DCTN3: variants seen among roughly 807,000 people sequenced by gnomAD.
DCTN3 encodes the protein dynactin 3 (p22).
A neutral mutation model predicts 28.4 loss-of-function variants in DCTN3; 25 were observed. That is an observed-to-expected ratio of 0.88 (90% CI 0.64 to 1.23). The LOEUF (loss-of-function observed/expected upper bound fraction) is 1.23, where lower values mean the gene tolerates loss of function less well. Among genes scored for constraint, DCTN3 ranks in the 50% most tolerant of loss-of-function variants. The pLI, the probability that DCTN3 is intolerant of heterozygous loss-of-function variation, is 0.00. For missense variants in DCTN3, 229 were observed against 232.0 expected (o/e 0.99, Z 0.08); for synonymous variants, 81 against 91.4 (o/e 0.89, Z 0.65).
chr9:34,618,676 T>C lies in DCTN3; in HGVS notation c.181A>G (p.Ile61Val). 1 of 1,613,632 alleles carries C rather than the reference T, an allele frequency of 6.2e-7. No homozygotes were observed. Among genetic ancestry groups the C allele is most frequent in the Non-Finnish European group, 8.5e-7 (1 of 1,179,530 alleles). ...RERVKILYKK[I>V]EDLIKYLDPE... ...GCAGGCACATCATGGAAGCACTTACTCTTTTTGTAGAGAATCTTCACCCTC... is the reference window on the plus strand; with the variant it reads ...GCAGGCACATCATGGAAGCACTTACCCTTTTTGTAGAGAATCTTCACCCTC... The change falls in exon 2 of 7, where the codon ATT (isoleucine) becomes GTT (valine). Residue 61 changes from isoleucine (I) to valine (V), a missense_variant and splice_region_variant. Transcript: ENST00000259632.
At chr9:34,619,898 C>A (rs1820512798) in intron 1 of DCTN3, among the ~76,000 whole-genome samples, 1 of 152,178 alleles carries the variant, frequency 6.6e-6, no homozygotes, top group South Asian at 2.1e-4. Flanking sequence ...AGTCTCTTCC[C>A]TTCCTAATCC....
Position 34,616,173 on chromosome 9 carries a change from C to T in DCTN3, c.269-60G>A, listed in dbSNP as rs1820422099. On this transcript the variant is annotated intron_variant, in intron 3 of 6. Coordinates refer to ENST00000259632, the MANE Select transcript of DCTN3 (RefSeq NM_007234.5). The surrounding 1 kb of genome is among the most constrained non-coding windows in gnomAD (Gnocchi z 4.7). The stretch of plus-strand genomic sequence containing the variant: ...GCAAACCTGGGCATTGCTAATCAGC[C>T]CATGTAAGGGCCTGAGGACCTGGCA... 7.2e-7 allele frequency: 1 copy of T among 1,380,448 alleles called. No homozygotes were observed. Among genetic ancestry groups the T allele is most frequent in the East Asian group, 2.3e-5 (1 of 42,790 alleles). The allele number at this position is 1,380,448 out of a possible 1,614,324, so 85.5% of individuals were successfully genotyped here. A position where few individuals can be genotyped will look rare whatever the true frequency, so the allele number is the denominator to read the frequency against.
chr9:34,620,248 C>G (rs1820522696), intron 1 of DCTN3, 121 bp downstream of exon 1: 1 of 897,088 alleles, frequency 1.1e-6, no homozygotes, highest in South Asian at 1.5e-5. Context: ...GGTCCCGGAC[C>G]TTTGTTATTT....
chr9:34,618,498 A>G (rs895313255), intron 2 of DCTN3, among the ~76,000 whole-genome samples, 178 bp downstream of exon 2: 5 of 152,204 alleles, frequency 3.3e-5, no homozygotes, highest in Admixed American at 6.5e-5. Context: ...GTTTAGCCAC[A>G]AGGTAGAAAA....
intron 3 of DCTN3, chr9:34,617,550 TCTCTGC>T (rs1820450277): frequency 8.8e-6 from 8 of 910,688 alleles, no homozygotes; most frequent in Non-Finnish European, 1.2e-5. Flanking sequence ...ATGGCAATGC[TCTCTGC>T]CCCTACCCTT....
chr9:34,615,137 G>C lies in DCTN3; in HGVS notation c.353-369C>G, dbSNP rs79394690. 1,626 of 200,460 alleles carry C rather than the reference G, an allele frequency of 8.1e-3. 24 individuals are homozygous for C. The highest frequency in any genetic ancestry group is 0.034 in the African/African-American group (1,478 of 43,472). 12.4% of individuals were successfully genotyped at this position (200,460 alleles called of 1,614,324 possible). A position where few individuals can be genotyped will look rare whatever the true frequency, so the allele number is the denominator to read the frequency against. On this transcript the variant is annotated intron_variant, in intron 4 of 6. Coordinates refer to ENST00000259632, the MANE Select transcript of DCTN3 (RefSeq NM_007234.5). ...GCAGGTCTGCCTGGCTTAGGGAACA[G>C]GGAGTCTGAAGATGGATGCCAGGTC...
rs770810056 is a variant in DCTN3, at chr9:34,620,446, AG to A, written c.18del (p.Leu7CysfsTer48). The A allele has an allele frequency of 5.1e-6, 8 of 1,553,800 alleles. No individual in the cohort carries two copies. The South Asian group carries it at 9.4e-5, about 18-fold the overall frequency. On this transcript the variant is annotated frameshift_variant, in exon 1 of 7. Transcript: ENST00000259632. LOFTEE classifies it high-confidence loss of function. ...TCCACTCGGGCCTGTAGCCGCTGCA[AG>A]TCAGTCAGACCCGCCATCGCTACTA... MAGLT[D>X]LQRLQARVEE...
chr9:34,614,977 A>G (rs1820390798), intron 4 of DCTN3: 1 of 593,004 alleles, frequency 1.7e-6, no homozygotes, highest in Non-Finnish European at 2.9e-6. Context: ...GGGAAGATAC[A>G]TGTCCCGAGG....
Position 34,617,983 on chromosome 9 carries a change from G to A in DCTN3, c.182-12C>T, listed in dbSNP as rs1820462182. 6.2e-7 allele frequency: 1 copy of A among 1,611,450 alleles called. No homozygotes were observed. Among genetic ancestry groups the A allele is most frequent in the Non-Finnish European group, 8.5e-7 (1 of 1,178,048 alleles). On this transcript the variant is annotated splice_polypyrimidine_tract_variant and intron_variant, in intron 2 of 6. Coordinates refer to ENST00000259632, the MANE Select transcript of DCTN3 (RefSeq NM_007234.5). ...GATCAGATCTTCAACTAGAAAAGTA[G>A]CAAGATGGAAAATGGAATAGGGTTG... is the stretch of plus-strand genomic sequence containing the variant.
chr9:34,620,455 G>C lies in DCTN3; in HGVS notation c.10C>G (p.Leu4Val). The C allele has an allele frequency of 1.9e-6, 3 of 1,551,732 alleles. No individual in the cohort carries two copies. Among genetic ancestry groups the C allele is most frequent in the Non-Finnish European group, 2.6e-6 (3 of 1,148,246 alleles). Reference sequence around the variant, plus strand: ...GCCTGTAGCCGCTGCAAGTCAGTCAGACCCGCCATCGCTACTACCGACCCA... The same window carrying C: ...GCCTGTAGCCGCTGCAAGTCAGTCACACCCGCCATCGCTACTACCGACCCA... MAG[L>V]TDLQRLQARV... The change falls in exon 1 of 7, where the codon CTG becomes GTG. Residue 4 changes from leucine (L) to valine (V), a missense_variant. Leu to Val is a conservative substitution (Grantham distance 32). Coordinates refer to ENST00000259632, the MANE Select transcript of DCTN3 (RefSeq NM_007234.5).
intron 5 of DCTN3, 73 bp downstream of exon 5, chr9:34,614,637 C>T: frequency 3.2e-6 from 5 of 1,565,994 alleles, no homozygotes; most frequent in Non-Finnish European, 4.4e-6. Context: ...AAGCTGCTTC[C>T]CCAGGTGGCA....
At chr9:34,617,103 C>T (rs887007047) in intron 3 of DCTN3, among the ~76,000 whole-genome samples, 3 of 152,168 alleles carry the variant, frequency 2.0e-5, no homozygotes, top group African/African-American at 7.2e-5. Flanking sequence ...GGTGCTTGAG[C>T]GATGGCAATT....
At position 34,618,673 on chromosome 9, in the gene DCTN3, T is replaced by A; in HGVS notation, c.181+3A>T. 1 of 1,613,286 alleles carries A rather than the reference T, an allele frequency of 6.2e-7. No homozygotes were observed. Among genetic ancestry groups the A allele is most frequent in the Non-Finnish European group, 8.5e-7 (1 of 1,179,214 alleles). Reference sequence around the variant, plus strand: ...CAGGCAGGCACATCATGGAAGCACTTACTCTTTTTGTAGAGAATCTTCACC... The same window carrying A: ...CAGGCAGGCACATCATGGAAGCACTAACTCTTTTTGTAGAGAATCTTCACC... On this transcript the variant is annotated splice_donor_region_variant and intron_variant, in intron 2 of 6. Transcript: ENST00000259632.
intron 2 of DCTN3, among the ~76,000 whole-genome samples, 170 bp downstream of exon 2, chr9:34,618,506 A>G (rs930692235): frequency 6.6e-6 from 1 of 152,110 alleles, no homozygotes; most frequent in African/African-American, 2.4e-5. Context: ...ACAAGGTAGA[A>G]AAGCACACCA....
At chr9:34,617,841 G>A (rs755080004) in intron 3 of DCTN3, 44 bp downstream of exon 3, 31 of 1,611,512 alleles carry the variant, frequency 1.9e-5, no homozygotes, top group Non-Finnish European at 2.6e-5. Flanking sequence ...CCTCCCCGAC[G>A]ACCCACATCC....
At chr9:34,618,964 G>A (rs1182416126) in intron 1 of DCTN3, among the ~76,000 whole-genome samples, 1 of 152,210 alleles carries the variant, frequency 6.6e-6, no homozygotes, top group African/African-American at 2.4e-5. Flanking sequence ...TCCTTGGGGA[G>A]TTTCAAGTCT....
At position 34,616,142 on chromosome 9, in the gene DCTN3, A is replaced by G. The variant is rs1820421377; in HGVS notation, c.269-29T>C. 6.3e-7 allele frequency: 1 copy of G among 1,592,126 alleles called. No homozygotes were observed. Among genetic ancestry groups the G allele is most frequent in the Non-Finnish European group, 8.6e-7 (1 of 1,160,604 alleles). ...AAGCAAAAATGGACAAGATAGTTGC[A>G]GTGAAGCAAACCTGGGCATTGCTAA... On this transcript the variant is annotated intron_variant, in intron 3 of 6. Coordinates refer to ENST00000259632, the MANE Select transcript of DCTN3 (RefSeq NM_007234.5). This position sits in a 1 kb window ranked among gnomAD's most constrained non-coding sequence, Gnocchi z 4.7.
At chr9:34,618,084 T>C (rs1373409498) in intron 2 of DCTN3, 113 bp from the exon 3 acceptor site, 2 of 997,364 alleles carry the variant, frequency 2.0e-6, no homozygotes, top group South Asian at 3.2e-5. Context: ...GAGGAGCTGA[T>C]ACCCAACAGT....
chr9:34,620,481 C>A lies in DCTN3; in HGVS notation c.-17G>T. 6.5e-7 allele frequency: 1 copy of A among 1,547,668 alleles called. No homozygotes were observed. The highest frequency in any genetic ancestry group is 8.7e-7 in the Non-Finnish European group (1 of 1,146,658). On this transcript the variant is annotated 5_prime_UTR_variant, in exon 1 of 7. Coordinates refer to ENST00000259632, the MANE Select transcript of DCTN3 (RefSeq NM_007234.5). ...ACCCGCCATCGCTACTACCGACCCA[C>A]CTCGGCCAGGAAACAGCCAGAGGGC...
Sources: allele counts gnomAD v4.1 joint callset (sites outside exome capture counted in the v4.1 genomes callset), GRCh38; gene constraint gnomAD v4.1.1; non-coding constraint Gnocchi (gnomAD v3.1); transcripts MANE v1.5; gene names NCBI Gene and HGNC (gene_info 2026-07-23, HGNC 2026-07-21).